ABHD2: variants seen among roughly 807,000 people sequenced by gnomAD.
ABHD2 encodes monoacylglycerol lipase ABHD2.
Under a neutral mutation model 48.1 loss-of-function variants are expected in ABHD2, and 20 were observed. The observed-to-expected ratio is 0.42, with a 90% CI of 0.29 to 0.60. The LOEUF (loss-of-function observed/expected upper bound fraction) is 0.60. ABHD2 is among the 20% of genes least tolerant of loss of function. ABHD2 has a pLI of 0.24. For synonymous variants in ABHD2, 209 were observed against 214.2 expected (o/e 0.98, Z 0.21); for missense variants, 405 against 550.9 (o/e 0.74, Z 2.65).
chr15:89,120,267 C>G lies in ABHD2; in HGVS notation c.194+3746C>G, dbSNP rs1596081757. Among the ~76,000 whole-genome samples the G allele has an allele frequency of 6.6e-6, 1 of 152,100 alleles. No individual in the cohort carries two copies. Among genetic ancestry groups the G allele is most frequent in the Admixed American group, 6.6e-5 (1 of 15,266 alleles). On this transcript the variant is annotated intron_variant, in intron 3 of 10. Coordinates refer to ENST00000352732, the MANE Select transcript of ABHD2 (RefSeq NM_152924.5). This position sits in a 1 kb window ranked among gnomAD's most constrained non-coding sequence, Gnocchi z 4.2. ...AGTGGGATGTTATGTCTCCTGTTCT[C>G]TTAGAAACAGATCAATATTTACCTA...
rs942912295 is a variant in ABHD2, at chr15:89,201,344, G to T, written c.*5921G>T. On this transcript the variant is annotated 3_prime_UTR_variant, in exon 11 of 11. Coordinates refer to ENST00000352732, the MANE Select transcript of ABHD2 (RefSeq NM_152924.5). ...AAGTGAAGCACTGTGTGGTTGTGGC[G>T]TGGGCCCGTCTTGCTTAGATGCATT... 1 of 1,029,490 alleles carries T rather than the reference G, an allele frequency of 9.7e-7. No individual in the cohort carries two copies. The highest frequency in any genetic ancestry group is 1.3e-5 in the South Asian group (1 of 75,132). The allele number at this position is 1,029,490 out of a possible 1,614,324, so 63.8% of individuals were successfully genotyped here. A position where few individuals can be genotyped will look rare whatever the true frequency, so the allele number is the denominator to read the frequency against.
Position 89,186,227 on chromosome 15 carries a change from C to T in ABHD2, c.815+711C>T, listed in dbSNP as rs567100008. ...GGACAGGAGGCTCAGGGCATGGTTTCGGCGCCTCCCTGCTCGGAGTTTGAG... is the reference window on the plus strand; with the variant it reads ...GGACAGGAGGCTCAGGGCATGGTTTTGGCGCCTCCCTGCTCGGAGTTTGAG... On this transcript the variant is annotated intron_variant, in intron 7 of 10. Coordinates refer to ENST00000352732, the MANE Select transcript of ABHD2 (RefSeq NM_152924.5). The surrounding 1 kb of genome is among the most constrained non-coding windows in gnomAD (Gnocchi z 4.3). Among the ~76,000 whole-genome samples, 6 of 152,232 alleles carry T rather than the reference C, an allele frequency of 3.9e-5. No individual in the cohort carries two copies. The highest frequency in any genetic ancestry group is 4.2e-4 in the South Asian group (2 of 4,814).
At chr15:89,052,838 G>C in the ABHD2 span, among the ~76,000 whole-genome samples, 1 of 152,092 alleles carries the variant, frequency 6.6e-6, no homozygotes, top group Non-Finnish European at 1.5e-5. Flanking sequence ...TCCCTGAGGG[G>C]ATGTACCCTT....
chr15:89,077,486 G>A, the ABHD2 span, among the ~76,000 whole-genome samples: 4 of 152,154 alleles, frequency 2.6e-5, no homozygotes, highest in African/African-American at 9.7e-5. Context: ...ACTTAAGAAT[G>A]AGAATTATGC....
rs1432068755 is a variant in ABHD2 at position 89,179,135 on chromosome 15, G to A, written c.722+3140G>A. 1.3e-5 allele frequency among the ~76,000 whole-genome samples: 2 copies of A among 152,138 alleles called. No individual in the cohort carries two copies. Among genetic ancestry groups the A allele is most frequent in the Non-Finnish European group, 2.9e-5 (2 of 68,012 alleles). On this transcript the variant is annotated intron_variant, in intron 6 of 10. Transcript: ENST00000352732. This position sits in a 1 kb window ranked among gnomAD's most constrained non-coding sequence, Gnocchi z 4.3. ...GTGCCAAGGAGGTCCTCAGTCAAGTGGGGGGTCCATGAGGAGGGATTTCTG... is the reference window on the plus strand; with the variant it reads ...GTGCCAAGGAGGTCCTCAGTCAAGTAGGGGGTCCATGAGGAGGGATTTCTG...
At chr15:89,073,376 A>T in the ABHD2 span, among the ~76,000 whole-genome samples, 5 of 152,138 alleles carry the variant, frequency 3.3e-5, no homozygotes, top group Non-Finnish European at 5.9e-5. Context: ...GCTCACTGCA[A>T]CTTCCGCCTC....
the ABHD2 span, among the ~76,000 whole-genome samples, chr15:89,061,794 G>C: frequency 1.3e-5 from 2 of 152,058 alleles, no homozygotes; most frequent in African/African-American, 4.8e-5. Flanking sequence ...GGCTGGTCTT[G>C]AACTCCTGGG....
chr15:89,052,539 A>ACAGG, the ABHD2 span, among the ~76,000 whole-genome samples: 2,673 of 132,256 alleles, frequency 0.02, 73 homozygotes, highest in African/African-American at 0.063. Context: ...AGACAGACAG[A>ACAGG]CAGACAGACA....
At chr15:89,153,478 G>A (rs1025020550) in intron 4 of ABHD2, among the ~76,000 whole-genome samples, 1 of 152,082 alleles carries the variant, frequency 6.6e-6, no homozygotes, top group Non-Finnish European at 1.5e-5. Context: ...TACCACTAAA[G>A]CACAAAGTTT....
At chr15:89,084,289 T>A (rs1901321291), upstream of ABHD2, among the ~76,000 whole-genome samples, 1 of 152,094 alleles carries the variant, frequency 6.6e-6, no homozygotes, top group African/African-American at 2.4e-5. The surrounding 1 kb of genome is among the most constrained non-coding windows in gnomAD (Gnocchi z 4.4). Context: ...CTTAATTTTG[T>A]TATAAACCTA....
chr15:89,174,513 A>T lies in ABHD2; in HGVS notation c.539-1299A>T, dbSNP rs1246017171. The stretch of plus-strand genomic sequence containing the variant: ...GCCGGCCTGGCTTAGGCTACATCCT[A>T]CCACAAAAGAAGACAGATATAAGGG... On this transcript the variant is annotated intron_variant, in intron 5 of 10. Coordinates refer to ENST00000352732, the MANE Select transcript of ABHD2 (RefSeq NM_152924.5). The surrounding 1 kb of genome is among the most constrained non-coding windows in gnomAD (Gnocchi z 4.1). Among the ~76,000 whole-genome samples the T allele has an allele frequency of 1.3e-5, 2 of 152,192 alleles. No homozygotes were observed.
At chr15:89,059,266 C>A in the ABHD2 span, among the ~76,000 whole-genome samples, 2 of 152,164 alleles carry the variant, frequency 1.3e-5, no homozygotes, top group East Asian at 3.8e-4. Context: ...CCCAGGCGAG[C>A]CACTTGACAC....
the ABHD2 span, among the ~76,000 whole-genome samples, chr15:89,053,209 G>A: frequency 2.4e-3 from 368 of 151,986 alleles, no homozygotes; most frequent in Middle Eastern, 6.8e-3. Flanking sequence ...CTTGTGATCC[G>A]CCCACCTCAA....
intron 3 of ABHD2, among the ~76,000 whole-genome samples, chr15:89,145,278 A>G (rs534779819): frequency 6.6e-6 from 1 of 152,172 alleles, no homozygotes; most frequent in Non-Finnish European, 1.5e-5. Flanking sequence ...AAACAAAACA[A>G]AAAAACACTT....
intron 1 of ABHD2, among the ~76,000 whole-genome samples, chr15:89,109,910 G>A (rs754567066): frequency 1.3e-5 from 2 of 152,044 alleles, no homozygotes; most frequent in East Asian, 3.8e-4. Context: ...AGATGATCAA[G>A]TCTGATATAA....
chr15:89,117,624 A>G (rs922557335), intron 3 of ABHD2, among the ~76,000 whole-genome samples: 6 of 151,398 alleles, frequency 4.0e-5, no homozygotes, highest in African/African-American at 1.4e-4. Context: ...AGCTACTCAG[A>G]GAGATGTCTT....
intron 1 of ABHD2, among the ~76,000 whole-genome samples, chr15:89,096,597 C>T (rs1207922154): frequency 6.6e-6 from 1 of 152,174 alleles, no homozygotes; most frequent in Non-Finnish European, 1.5e-5. Flanking sequence ...TTTCCATGTG[C>T]TGACCATTTG....
At position 89,188,139 on chromosome 15, in the gene ABHD2, A is replaced by G; in HGVS notation, c.816-54A>G. 2 of 1,513,334 alleles carry G rather than the reference A, an allele frequency of 1.3e-6. No homozygotes were observed. The highest frequency in any genetic ancestry group is 1.1e-5 in the South Asian group (1 of 88,440). The allele number at this position is 1,513,334 out of a possible 1,614,324, so 93.7% of individuals were successfully genotyped here. ...CTGTGGCAAGGAAGCAGGCTATGCC[A>G]TGGTTGTTCATCCTCCACATCTTAA... On this transcript the variant is annotated intron_variant, in intron 7 of 10. Coordinates refer to ENST00000352732, the MANE Select transcript of ABHD2 (RefSeq NM_152924.5). The surrounding 1 kb of genome is among the most constrained non-coding windows in gnomAD (Gnocchi z 4.1).
rs1489043353 is a variant in ABHD2 at position 89,175,316 on chromosome 15, C to T, written c.539-496C>T. Among the ~76,000 whole-genome samples, 2 of 152,124 alleles carry T rather than the reference C, an allele frequency of 1.3e-5. No homozygotes were observed. The highest frequency in any genetic ancestry group is 1.3e-4 in the Admixed American group (2 of 15,262). On this transcript the variant is annotated intron_variant, in intron 5 of 10. Transcript: ENST00000352732. The surrounding 1 kb of genome is among the most constrained non-coding windows in gnomAD (Gnocchi z 5.7). ...CTTGGCTCACTGTAGCCTCTGCCTC[C>T]CCGGCTCAAGGGATCCTCTTGCCTC...
Sources: gnomAD v4.1 joint callset for allele counts (sites outside exome capture counted in the v4.1 genomes callset) on GRCh38, gnomAD v4.1.1 for gene constraint, Gnocchi (gnomAD v3.1) non-coding constraint, MANE v1.5 for transcripts, NCBI Gene and HGNC (gene_info 2026-07-23, HGNC 2026-07-21) for gene names.